The following INSYN2A variants were observed in gnomAD, a reference collection of about 807,000 sequenced individuals.
The protein encoded by INSYN2A is family with sequence similarity 196 member A.
INSYN2A carries 17 observed loss-of-function variants against 39.4 expected under a neutral mutation model. That is an observed-to-expected ratio of 0.43 (90% CI 0.30 to 0.65). INSYN2A has a LOEUF of 0.65. Among genes scored for constraint, INSYN2A ranks in the 30% least tolerant of loss-of-function variants. INSYN2A has a pLI of 0.14. For synonymous variants in INSYN2A, 255 were observed against 265.7 expected (o/e 0.96, Z 0.39); for missense variants, 595 against 631.2 (o/e 0.94, Z 0.61).
chr10:127,138,815 T>C (rs2050941611), intron 5 of INSYN2A, among the ~76,000 whole-genome samples: 1 of 152,242 alleles, frequency 6.6e-6, no homozygotes, highest in South Asian at 2.1e-4. Flanking sequence ...AACTATGTTA[T>C]TTCTTACAGC....
chr10:127,145,041 A>G (rs1241558893), intron 5 of INSYN2A, among the ~76,000 whole-genome samples: 1 of 152,166 alleles, frequency 6.6e-6, no homozygotes, highest in African/African-American at 2.4e-5. Context: ...GAGCTTTCCA[A>G]ATGCATCTTG....
In INSYN2A at chr10:127,149,694, G is replaced by C. The variant is rs551865498; in HGVS notation, c.1256+4158C>G. Among the ~76,000 whole-genome samples, 4 of 91,320 alleles carry C rather than the reference G, an allele frequency of 4.4e-5. No individual in the cohort carries two copies. In the South Asian group the frequency reaches 2.6e-3, roughly 59 times the overall value. 59.9% of individuals were successfully genotyped at this position (91,320 alleles called of 152,430 possible). A position where few individuals can be genotyped will look rare whatever the true frequency, so the allele number is the denominator to read the frequency against. Reference sequence around the variant, plus strand: ...TCCCTCCAGGGCTTTTGGCCTTCCAGAAAGCAGGGTATGACATTACAATGT... The same window carrying C: ...TCCCTCCAGGGCTTTTGGCCTTCCACAAAGCAGGGTATGACATTACAATGT... On this transcript the variant is annotated intron_variant, in intron 5 of 5. Coordinates refer to ENST00000522781, the MANE Select transcript of INSYN2A (RefSeq NM_001039762.3).
chr10:127,141,315 CCT>C lies in INSYN2A; in HGVS notation c.1257-3297_1257-3296del, dbSNP rs528161559. On this transcript the variant is annotated intron_variant, in intron 5 of 5. Transcript: ENST00000522781. ...ATAATCAGAGATGCCATGCGGTCATCCTCTTTCTGTTTCCAGCAACTATAGCA... is the reference window on the plus strand; with the variant it reads ...ATAATCAGAGATGCCATGCGGTCATCCTTTCTGTTTCCAGCAACTATAGCA... Among the ~76,000 whole-genome samples, 402 of 152,300 alleles carry C rather than the reference CCT, an allele frequency of 2.6e-3. 1 individual carries two copies. Among genetic ancestry groups the C allele is most frequent in the South Asian group, 5.2e-3 (25 of 4,824 alleles).
chr10:127,185,988 T>C lies in INSYN2A; in HGVS notation c.-269+6617A>G, dbSNP rs1355012010. On this transcript the variant is annotated intron_variant, in intron 2 of 5. Transcript: ENST00000522781. ...TTTCTTCTTGGGTACTCCCAAGATATGGTAGTGGCAAAATAAATTGAGTTT... is the reference window on the plus strand; with the variant it reads ...TTTCTTCTTGGGTACTCCCAAGATACGGTAGTGGCAAAATAAATTGAGTTT... Among the ~76,000 whole-genome samples, 3 of 152,330 alleles carry C rather than the reference T, an allele frequency of 2.0e-5. No homozygotes were observed. In the East Asian group the frequency reaches 5.8e-4, roughly 29 times the overall value.
At chr10:127,151,032 T>C (rs200010748) in intron 5 of INSYN2A, among the ~76,000 whole-genome samples, 2 of 152,192 alleles carry the variant, frequency 1.3e-5, no homozygotes, top group Non-Finnish European at 2.9e-5. Context: ...TACGTGTCAA[T>C]TTTTTATGAT....
rs2057169882 is a variant in INSYN2A, at chr10:127,196,558, T to G, written c.-956A>C. On this transcript the variant is annotated 5_prime_UTR_variant, in exon 1 of 6. Transcript: ENST00000522781. Reference sequence around the variant, plus strand: ...CCCCAAGCCGCGCGCCTGCCGCCTGTGCGCCCGGCTGGCACCGAGGCGGGC... The same window carrying G: ...CCCCAAGCCGCGCGCCTGCCGCCTGGGCGCCCGGCTGGCACCGAGGCGGGC... Among the ~76,000 whole-genome samples, 1 of 141,700 alleles carries G rather than the reference T, an allele frequency of 7.1e-6. No homozygotes were observed. The highest frequency in any genetic ancestry group is 2.2e-4 in the South Asian group (1 of 4,480). 93.0% of individuals were successfully genotyped at this position (141,700 alleles called of 152,430 possible). A position where few individuals can be genotyped will look rare whatever the true frequency, so the allele number is the denominator to read the frequency against.
chr10:127,195,713 C>T (rs985715648), intron 1 of INSYN2A, among the ~76,000 whole-genome samples: 1 of 152,242 alleles, frequency 6.6e-6, no homozygotes, highest in Non-Finnish European at 1.5e-5. Context: ...GGCGCAGCCC[C>T]GCTCCTCCCT....
chr10:127,150,572 A>T (rs1441112312), intron 5 of INSYN2A, among the ~76,000 whole-genome samples: 2 of 151,894 alleles, frequency 1.3e-5, no homozygotes, highest in African/African-American at 4.8e-5. Flanking sequence ...TTGTCCTGTG[A>T]CTCTCTGTCC....
chr10:127,155,245 T>C (rs2052923866), intron 4 of INSYN2A, among the ~76,000 whole-genome samples: 2 of 152,182 alleles, frequency 1.3e-5, no homozygotes, highest in African/African-American at 4.8e-5. Flanking sequence ...TTTGTTTTCC[T>C]CATTATATTG....
chr10:127,191,722 G>C (rs1281764507), intron 2 of INSYN2A, among the ~76,000 whole-genome samples: 1 of 152,178 alleles, frequency 6.6e-6, no homozygotes, highest in Non-Finnish European at 1.5e-5. Context: ...CAGTGAATAG[G>C]ATATAGCCCC....
At chr10:127,182,990 G>A in intron 2 of INSYN2A, among the ~76,000 whole-genome samples, 1 of 151,820 alleles carries the variant, frequency 6.6e-6, no homozygotes, top group Middle Eastern at 3.4e-3. Flanking sequence ...AGACTTAGTG[G>A]GAATCTCACT....
chr10:127,139,915 G>T (rs2051061926), intron 5 of INSYN2A, among the ~76,000 whole-genome samples: 1 of 152,112 alleles, frequency 6.6e-6, no homozygotes, highest in African/African-American at 2.4e-5. Flanking sequence ...ATGGAAACAA[G>T]AGCTAAGTAA....
rs1003163386 is a variant in INSYN2A at position 127,153,890 on chromosome 10, A to G, written c.1218T>C (p.Asn406=). The change falls in exon 5 of 6, where the codon AAT becomes AAC. Residue 406 remains asparagine (N), a synonymous_variant. Coordinates refer to ENST00000522781, the MANE Select transcript of INSYN2A (RefSeq NM_001039762.3). ...ATGCACTGTTCCTGCATGTGTCACA[A>G]TTAGCTGTGTCTTGCCCCGTCCGAT... is the stretch of plus-strand genomic sequence containing the variant. ...LSYRTGQDTA[N]CDTCRNSACI... 26 of 1,613,960 alleles carry G rather than the reference A, an allele frequency of 1.6e-5. No individual in the cohort carries two copies. Among genetic ancestry groups the G allele is most frequent in the Non-Finnish European group, 1.9e-5 (23 of 1,179,860 alleles).
chr10:127,135,772 T>C lies in INSYN2A; in HGVS notation c.*2065A>G, dbSNP rs1312800505. ...TCTAGACTGGTGTGAAACAGTGACA[T>C]TATTTTGTGTACTAGGATGTCCTCT... On this transcript the variant is annotated 3_prime_UTR_variant, in exon 6 of 6. Transcript: ENST00000522781. The C allele has an allele frequency of 2.6e-5, 4 of 152,632 alleles. No individual in the cohort carries two copies. The highest frequency in any genetic ancestry group is 4.8e-5 in the African/African-American group (2 of 41,460). 9.5% of individuals were successfully genotyped at this position (152,632 alleles called of 1,614,324 possible).
At position 127,175,320 on chromosome 10, in the gene INSYN2A, T is replaced by C. The variant is rs1252960838; in HGVS notation, c.1076A>G (p.Lys359Arg). 19 of 1,614,032 alleles carry C rather than the reference T, an allele frequency of 1.2e-5. No homozygotes were observed. Among genetic ancestry groups the C allele is most frequent in the Non-Finnish European group, 1.5e-5 (18 of 1,180,032 alleles). ...GTTCTCCATCATCTGAAGTTGTGCTTTGAGGTCGACCACTTCCGTATGAGG... is the reference window on the plus strand; with the variant it reads ...GTTCTCCATCATCTGAAGTTGTGCTCTGAGGTCGACCACTTCCGTATGAGG... ...IVPHTEVVDL[K>R]AQLQMMENLI... Residue 359 changes from lysine (K) to arginine (R), a missense_variant, in exon 4 of 6, where the codon AAA becomes AGA. Lys to Arg is a conservative substitution (Grantham distance 26). This residue lies in a region of INSYN2A where 117 missense variants were observed against 163.8 expected (regional missense o/e 0.71). Coordinates refer to ENST00000522781, the MANE Select transcript of INSYN2A (RefSeq NM_001039762.3). This position sits in a 1 kb window ranked among gnomAD's most constrained non-coding sequence, Gnocchi z 6.3.
intron 4 of INSYN2A, among the ~76,000 whole-genome samples, chr10:127,165,123 G>A (rs1315895973): frequency 6.6e-6 from 1 of 152,172 alleles, no homozygotes; most frequent in Non-Finnish European, 1.5e-5. Context: ...TTCAGCTCTT[G>A]TACTGTCACA....
At chr10:127,150,732 G>C (rs1399794511) in intron 5 of INSYN2A, among the ~76,000 whole-genome samples, 1 of 152,238 alleles carries the variant, frequency 6.6e-6, no homozygotes, top group East Asian at 1.9e-4. Flanking sequence ...TGTGGATTCA[G>C]TGCTTTGGAA....
chr10:127,148,194 G>C (rs2133409681), intron 5 of INSYN2A, among the ~76,000 whole-genome samples: 1 of 152,264 alleles, frequency 6.6e-6, no homozygotes, highest in Non-Finnish European at 1.5e-5. Flanking sequence ...CATCCAGTCA[G>C]GTTCCAAGCC....
At position 127,135,790 on chromosome 10, in the gene INSYN2A, T is replaced by G. The variant is rs1353238184; in HGVS notation, c.*2047A>C. On this transcript the variant is annotated 3_prime_UTR_variant, in exon 6 of 6. Transcript: ENST00000522781. ...AGTGACATTATTTTGTGTACTAGGATGTCCTCTTGTTTAGACAGATTTGTG... is the reference window on the plus strand; with the variant it reads ...AGTGACATTATTTTGTGTACTAGGAGGTCCTCTTGTTTAGACAGATTTGTG... 1 of 152,642 alleles carries G rather than the reference T, an allele frequency of 6.6e-6. No homozygotes were observed. Among genetic ancestry groups the G allele is most frequent in the African/African-American group, 2.4e-5 (1 of 41,466 alleles). The allele number at this position is 152,642 out of a possible 1,614,324, so 9.5% of individuals were successfully genotyped here.
Sources: gnomAD v4.1 joint callset for allele counts (sites outside exome capture counted in the v4.1 genomes callset) on GRCh38, gnomAD v4.1.1 for gene constraint, gnomAD v4.1.1 regional missense constraint, Gnocchi (gnomAD v3.1) non-coding constraint, MANE v1.5 for transcripts, NCBI Gene and HGNC (gene_info 2026-07-23, HGNC 2026-07-21) for gene names.